PARP9: variants seen among roughly 807,000 people sequenced by gnomAD.
PARP9 encodes protein mono-ADP-ribosyltransferase PARP9.
A neutral mutation model predicts 68.8 loss-of-function variants in PARP9; 48 were observed. That is an observed-to-expected ratio of 0.70 (90% CI 0.55 to 0.89). The LOEUF (loss-of-function observed/expected upper bound fraction) is 0.89, where lower values mean the gene tolerates loss of function less well. Ranked by LOEUF, PARP9 falls within the 40% of genes least tolerant of loss-of-function variation. The pLI is 0.00. For missense variants in PARP9, 806 were observed against 969.3 expected, an observed-to-expected ratio of 0.83 and a Z score of 2.24; for synonymous variants, 309 against 333.8, an observed-to-expected ratio of 0.93 and a Z score of 0.81.
rs1232523408 is a variant in PARP9, at chr3:122,555,507, C to G, written c.664G>C (p.Glu222Gln). ...CCTTGCAAACTAACCCGGATAGTCT[C>G]TACAATAGTCTTTGTACACAAATTC... Reference protein sequence around the residue: ...PLNLCTKTIVETIRVSLQGKP... With the variant: ...PLNLCTKTIVQTIRVSLQGKP... Residue 222 changes from glutamate (E) to glutamine (Q), a missense_variant, in exon 4 of 11, where the codon GAG becomes CAG. This residue lies in a region of PARP9 where 680 missense variants were observed against 858.8 expected (regional missense o/e 0.79). Transcript: ENST00000682323. The G allele has an allele frequency of 6.2e-7, 1 of 1,614,162 alleles. No homozygotes were observed. The highest frequency in any genetic ancestry group is 8.5e-7 in the Non-Finnish European group (1 of 1,180,018).
chr3:122,555,262 A>C (rs1163581211), intron 4 of PARP9, 24 bp downstream of exon 4: 4 of 1,577,826 alleles, frequency 2.5e-6, no homozygotes, highest in Non-Finnish European at 3.4e-6. Context: ...GTGCCAGTGC[A>C]AGAGAATAGA....
At chr3:122,539,437 C>T (rs963268311) in intron 8 of PARP9, among the ~76,000 whole-genome samples, 2 of 152,196 alleles carry the variant, frequency 1.3e-5, no homozygotes, top group Admixed American at 1.3e-4. Context: ...ATGCTTGGCA[C>T]GTCATGGGTG....
At chr3:122,532,504 T>G in intron 10 of PARP9, 2 of 865,384 alleles carry the variant, frequency 2.3e-6, no homozygotes, top group Non-Finnish European at 2.8e-6. Context: ...TGAGTTCACC[T>G]TGAACTGTCA....
chr3:122,552,086 T>C (rs2079247296), intron 5 of PARP9, among the ~76,000 whole-genome samples: 1 of 151,932 alleles, frequency 6.6e-6, no homozygotes, highest in African/African-American at 2.4e-5. Flanking sequence ...TGGCTAATTT[T>C]TTTTTTCTTT....
At chr3:122,563,489 A>C (rs1188695041) in intron 1 of PARP9, among the ~76,000 whole-genome samples, 1 of 152,232 alleles carries the variant, frequency 6.6e-6, no homozygotes, top group Non-Finnish European at 1.5e-5. Context: ...AAAAATCATT[A>C]AAATTAATTT....
intron 7 of PARP9, among the ~76,000 whole-genome samples, chr3:122,544,645 C>T (rs1351595500): frequency 1.3e-5 from 2 of 151,968 alleles, no homozygotes; most frequent in Middle Eastern, 3.4e-3. Context: ...GGCGAAACCC[C>T]GTCTCTACCA....
intron 6 of PARP9, 75 bp downstream of exon 6, chr3:122,550,509 T>C: frequency 5.8e-6 from 7 of 1,214,298 alleles, no homozygotes; most frequent in Non-Finnish European, 8.3e-6. Flanking sequence ...TCTTACATTG[T>C]AGATACTAAA....
chr3:122,547,811 C>T (rs894736489), intron 6 of PARP9, among the ~76,000 whole-genome samples: 3 of 152,062 alleles, frequency 2.0e-5, no homozygotes, highest in African/African-American at 7.2e-5. Context: ...TATGATCACA[C>T]CACTGCACTC....
chr3:122,534,291 T>A (rs192279004), intron 10 of PARP9: 1 of 974,210 alleles, frequency 1.0e-6, no homozygotes, highest in Admixed American at 6.1e-5. Flanking sequence ...GAGCACATTC[T>A]AGCCTGTGAG....
intron 8 of PARP9, among the ~76,000 whole-genome samples, chr3:122,539,507 A>ATCTCTTTCTTTC (rs1008859984): frequency 7.5e-6 from 1 of 133,162 alleles, no homozygotes; most frequent in African/African-American, 2.9e-5. Context: ...CCAAGATGGC[A>ATCTCTTTCTTTC]TTTCTTTCTT....
At chr3:122,533,688 G>C in intron 10 of PARP9, 1 of 985,324 alleles carries the variant, frequency 1.0e-6, no homozygotes, top group South Asian at 4.7e-5. Context: ...TGGAACAAAT[G>C]AATCAACCCA....
chr3:122,564,480 C>A (rs757847684), upstream of PARP9: 5 of 1,612,852 alleles, frequency 3.1e-6, no homozygotes, highest in South Asian at 5.5e-5. Flanking sequence ...TGTACAAGTC[C>A]GGCCCCCGAG....
intron 1 of PARP9, 99 bp downstream of exon 1, chr3:122,564,146 C>G (rs1442897245): frequency 2.1e-6 from 1 of 473,906 alleles, no homozygotes; most frequent in East Asian, 3.8e-5. Context: ...GGAGGCCTGG[C>G]CCTGGGACCC....
intron 7 of PARP9, among the ~76,000 whole-genome samples, chr3:122,541,603 G>T (rs2078235847): frequency 6.6e-6 from 1 of 152,146 alleles, no homozygotes; most frequent in Non-Finnish European, 1.5e-5. Context: ...CTGATTTTAA[G>T]AATAATACAT....
Position 122,550,863 on chromosome 3 carries a change from C to G in PARP9, c.1108-61G>C, listed in dbSNP as rs777617131. 69 of 1,412,058 alleles carry G rather than the reference C, an allele frequency of 4.9e-5. 1 individual carries two copies. The Admixed American group carries it at 1.2e-3, about 25-fold the overall frequency. 87.5% of individuals were successfully genotyped at this position (1,412,058 alleles called of 1,614,324 possible). On this transcript the variant is annotated intron_variant, in intron 5 of 10. Transcript: ENST00000682323. ...GTCAAGAACAAGACTCCACTTACCCCTTGATCCTGCCCATATTTTACAATG... is the reference window on the plus strand; with the variant it reads ...GTCAAGAACAAGACTCCACTTACCCGTTGATCCTGCCCATATTTTACAATG...
At chr3:122,557,320 A>G (rs374672802) in intron 3 of PARP9, among the ~76,000 whole-genome samples, 2 of 97,470 alleles carry the variant, frequency 2.1e-5, no homozygotes, top group African/African-American at 3.2e-5. Flanking sequence ...GGACCAGCCA[A>G]TGAGCACTGA....
intron 2 of PARP9, among the ~76,000 whole-genome samples, chr3:122,559,216 T>C (rs540917587): frequency 3.3e-5 from 5 of 152,244 alleles, no homozygotes; most frequent in Admixed American, 6.5e-5. Flanking sequence ...AAGGATCCAC[T>C]TTTAATTGCC....
At chr3:122,539,520 T>TTTCC (rs1324422555) in intron 8 of PARP9, among the ~76,000 whole-genome samples, 45 of 28,788 alleles carry the variant, frequency 1.6e-3, no homozygotes, top group Non-Finnish European at 2.4e-3. Flanking sequence ...TCTTTCTTTC[T>TTTCC]TTCTTTCTTT....
At chr3:122,551,549 G>C (rs777238698) in intron 5 of PARP9, among the ~76,000 whole-genome samples, 2 of 152,110 alleles carry the variant, frequency 1.3e-5, no homozygotes, top group Non-Finnish European at 2.9e-5. Context: ...ATCCAGGCTA[G>C]AGGGCAGTGG....
Sources: gnomAD v4.1 joint callset for allele counts (sites outside exome capture counted in the v4.1 genomes callset) on GRCh38, gnomAD v4.1.1 for gene constraint, gnomAD v4.1.1 regional missense constraint, MANE v1.5 for transcripts, NCBI Gene and HGNC (gene_info 2026-07-23, HGNC 2026-07-21) for gene names.